The following NF1 variants were observed in gnomAD, a reference collection of about 807,000 sequenced individuals.
NF1 encodes the protein neurofibromin 1.
Under a neutral mutation model 325.7 loss-of-function variants are expected in NF1, and 122 were observed. The ratio of observed to expected loss-of-function variants is 0.37; its 90% CI spans 0.32 to 0.44. The LOEUF (loss-of-function observed/expected upper bound fraction) is 0.44. Ranked by LOEUF, NF1 falls within the 20% of genes least tolerant of loss-of-function variation. The probability of loss-of-function intolerance (pLI) is 1.00; values close to 1 mark genes in which losing one functional copy is unlikely to be tolerated. For synonymous variants in NF1, 1,091 were observed against 1,186.0 expected, an observed-to-expected ratio of 0.92 and a Z score of 1.65; for missense variants, 2,140 against 3,415.4, an observed-to-expected ratio of 0.63 and a Z score of 9.31.
chr17:31,175,497 G>A (rs2066006461), intron 5 of NF1, among the ~76,000 whole-genome samples: 1 of 151,954 alleles, frequency 6.6e-6, no homozygotes, highest in African/African-American at 2.4e-5. Flanking sequence ...TTATAGGCGT[G>A]AGCCATCGGG....
At chr17:31,201,780 T>C (rs2066535548) in intron 11 of NF1, among the ~76,000 whole-genome samples, 1 of 152,190 alleles carries the variant, frequency 6.6e-6, no homozygotes, top group South Asian at 2.1e-4. Flanking sequence ...AAAATGTCAC[T>C]GAAAATACAG....
At chr17:31,161,904 C>T (rs1434029138) in intron 3 of NF1, among the ~76,000 whole-genome samples, 1 of 151,658 alleles carries the variant, frequency 6.6e-6, no homozygotes. Context: ...GATGTGGTGG[C>T]ACATGTCTGT....
chr17:31,109,037 A>G (rs570540681), intron 1 of NF1, among the ~76,000 whole-genome samples: 1 of 152,258 alleles, frequency 6.6e-6, no homozygotes, highest in African/African-American at 2.4e-5. Context: ...GCTTCCCTGT[A>G]TAAGTGCTAA....
chr17:31,310,566 A>G (rs185306251), intron 36 of NF1, among the ~76,000 whole-genome samples: 1 of 152,222 alleles, frequency 6.6e-6, no homozygotes, highest in Admixed American at 6.5e-5. Context: ...AGAAGGAACC[A>G]TCCTTTCAAA....
chr17:31,251,116 G>C (rs1027319113), intron 30 of NF1: 1 of 196,912 alleles, frequency 5.1e-6, no homozygotes, highest in Admixed American at 6.1e-5. Context: ...GTATTTTATT[G>C]AGTCTGCTTC....
At chr17:31,155,946 A>T (rs1215125208) in intron 1 of NF1, 37 bp from the exon 2 acceptor site, 1 of 1,600,840 alleles carries the variant, frequency 6.2e-7, no homozygotes, top group African/African-American at 1.3e-5. Flanking sequence ...TTTTAAGGAT[A>T]AGCTGTTAAC....
chr17:31,330,368 G>A lies in NF1; in HGVS notation c.5682G>A (p.Glu1894=), dbSNP rs2151544599. The A allele has an allele frequency of 6.2e-7, 1 of 1,613,968 alleles. No individual in the cohort carries two copies. The highest frequency in any genetic ancestry group is 8.5e-7 in the Non-Finnish European group (1 of 1,179,926). ...FNLKIEGQLL[E]TSGLCIPANN... is the part of the protein sequence containing the mutation. The stretch of plus-strand genomic sequence containing the variant: ...TAAAAATCGAGGGCCAGTTACTAGA[G>A]ACATCAGGTTTATGTATCCCTGCCA... The change falls in exon 39 of 58, where the codon GAG becomes GAA. Residue 1894 remains glutamate, a synonymous_variant. Coordinates refer to ENST00000358273, the MANE Select transcript of NF1 (RefSeq NM_001042492.3).
intron 8 of NF1, among the ~76,000 whole-genome samples, chr17:31,193,566 G>A (rs1415670318): frequency 2.0e-5 from 3 of 152,140 alleles, no homozygotes; most frequent in Non-Finnish European, 4.4e-5. Flanking sequence ...AATTGGCAGA[G>A]TGAAAAGACA....
intron 36 of NF1, chr17:31,318,827 G>GGTTTGT: frequency 6.2e-7 from 1 of 1,613,960 alleles, no homozygotes. Flanking sequence ...GGAGTTATAG[G>GGTTTGT]GTTTGTGTTA....
At chr17:31,246,609 A>G (rs922118060) in intron 29 of NF1, among the ~76,000 whole-genome samples, 3 of 152,166 alleles carry the variant, frequency 2.0e-5, no homozygotes, top group Non-Finnish European at 4.4e-5. Context: ...AAAACACACA[A>G]CAGATAAGTG....
At chr17:31,108,468 G>T (rs12952975) in intron 1 of NF1, among the ~76,000 whole-genome samples, 80,816 of 151,578 alleles carry the variant, frequency 0.53, 25,581 homozygotes, top group Middle Eastern at 0.76. Context: ...TAGAGACAGG[G>T]TTTTGTCATA....
At position 31,220,491 on chromosome 17, in the gene NF1, A is replaced by T. The variant is rs531397169; in HGVS notation, c.1642-1359A>T. 2.6e-5 allele frequency among the ~76,000 whole-genome samples: 4 copies of T among 152,168 alleles called. No homozygotes were observed. The highest frequency in any genetic ancestry group is 5.9e-5 in the Non-Finnish European group (4 of 67,988). On this transcript the variant is annotated intron_variant, in intron 14 of 57. Transcript: ENST00000358273. The stretch of plus-strand genomic sequence containing the variant: ...AACTCAAAAGGAAAAAGCTGCACAC[A>T]TAGGTACTTATTGCTCTTAATTATA...
At chr17:31,299,852 T>C (rs1272400542) in intron 36 of NF1, among the ~76,000 whole-genome samples, 2 of 145,634 alleles carry the variant, frequency 1.4e-5, no homozygotes, top group African/African-American at 5.4e-5. Flanking sequence ...AATTATTTCC[T>C]AAAATGTCTC....
chr17:31,222,200 G>T, intron 15 of NF1: 1 of 1,141,136 alleles, frequency 8.8e-7, no homozygotes, highest in Non-Finnish European at 1.1e-6. Flanking sequence ...ACTTTTTTCA[G>T]ATTTCAATGT....
intron 4 of NF1, among the ~76,000 whole-genome samples, chr17:31,164,766 G>A (rs748876557): frequency 4.2e-4 from 64 of 152,072 alleles, no homozygotes; most frequent in Admixed American, 2.0e-3. Context: ...ATCCTAGGCA[G>A]CAATATTTTT....
chr17:31,127,795 G>A (rs1047376440), intron 1 of NF1, among the ~76,000 whole-genome samples: 2 of 151,780 alleles, frequency 1.3e-5, no homozygotes, highest in Admixed American at 6.6e-5. Flanking sequence ...GACAGTGGAT[G>A]ATCTACAAAT....
intron 36 of NF1, among the ~76,000 whole-genome samples, chr17:31,288,062 C>T (rs1395960716): frequency 6.7e-6 from 1 of 149,964 alleles, no homozygotes; most frequent in East Asian, 1.9e-4. Context: ...GCACATGTAC[C>T]CTAAAACTTA....
intron 1 of NF1, among the ~76,000 whole-genome samples, chr17:31,116,021 C>T (rs1913874710): frequency 6.6e-6 from 1 of 152,098 alleles, no homozygotes; most frequent in Non-Finnish European, 1.5e-5. Flanking sequence ...AAATTGTAGA[C>T]TTATGACAGC....
At chr17:31,149,282 A>ACG in intron 1 of NF1, among the ~76,000 whole-genome samples, 1 of 149,708 alleles carries the variant, frequency 6.7e-6, no homozygotes, top group East Asian at 2.0e-4. Context: ...ACATGTACAC[A>ACG]CACACACATA....
Sources: gnomAD v4.1 joint callset for allele counts (sites outside exome capture counted in the v4.1 genomes callset) on GRCh38, gnomAD v4.1.1 for gene constraint, MANE v1.5 for transcripts, NCBI Gene and HGNC (gene_info 2026-07-23, HGNC 2026-07-21) for gene names.